GPR149: variants seen among roughly 807,000 people sequenced by gnomAD.
GPR149 encodes G protein-coupled receptor 149, also known as probable G protein-coupled receptor 149.
Under a neutral mutation model 50.2 loss-of-function variants are expected in GPR149, and 50 were observed. That is an observed-to-expected ratio of 1.00 (90% CI 0.79 to 1.26). The LOEUF is 1.26. Among genes scored for constraint, GPR149 ranks in the 50% most tolerant of loss-of-function variants. GPR149 has a pLI of 0.00. For missense variants in GPR149, 983 were observed against 895.4 expected (o/e 1.10, Z -1.25); for synonymous variants, 405 against 358.2 (o/e 1.13, Z -1.48).
intron 3 of GPR149, among the ~76,000 whole-genome samples, chr3:154,392,407 C>T (rs1292757528): frequency 2.0e-5 from 3 of 151,590 alleles, no homozygotes; most frequent in African/African-American, 4.8e-5. Flanking sequence ...AAAACCCCAA[C>T]ATACCTGAAC....
At chr3:154,390,435 TTAAC>T (rs1055919690) in intron 3 of GPR149, among the ~76,000 whole-genome samples, 16 of 150,570 alleles carry the variant, frequency 1.1e-4, no homozygotes, top group Non-Finnish European at 1.6e-4. Context: ...AAATGAAAAA[TTAAC>T]TAGAGAAGTT....
chr3:154,394,495 G>A (rs1243502672), intron 3 of GPR149, among the ~76,000 whole-genome samples: 11 of 152,108 alleles, frequency 7.2e-5, no homozygotes, highest in Middle Eastern at 6.8e-3. Flanking sequence ...TGATTTCATG[G>A]ATGTAATGCC....
intron 2 of GPR149, among the ~76,000 whole-genome samples, chr3:154,424,426 CAT>C (rs1245106562): frequency 6.6e-6 from 1 of 151,750 alleles, no homozygotes; most frequent in East Asian, 1.9e-4. Flanking sequence ...AGCTGAATAA[CAT>C]ATGATTTCAA....
chr3:154,353,907 G>A (rs1714151448), intron 3 of GPR149: 13 of 540,130 alleles, frequency 2.4e-5, no homozygotes, highest in Middle Eastern at 4.6e-4. Flanking sequence ...TCAGAAATAC[G>A]GAAATAGGAG....
At chr3:154,381,451 T>G (rs1209612028) in intron 3 of GPR149, among the ~76,000 whole-genome samples, 1 of 152,220 alleles carries the variant, frequency 6.6e-6, no homozygotes, top group Admixed American at 6.5e-5. Context: ...CTTTTTAAAC[T>G]AGCATTTTTC....
chr3:154,365,389 C>T (rs1289469222), intron 3 of GPR149, among the ~76,000 whole-genome samples: 1 of 152,118 alleles, frequency 6.6e-6, no homozygotes, highest in African/African-American at 2.4e-5. Context: ...AGTTATTCTT[C>T]CATTGTTTTG....
At chr3:154,420,399 T>A (rs559886056) in intron 3 of GPR149, among the ~76,000 whole-genome samples, 5 of 152,138 alleles carry the variant, frequency 3.3e-5, no homozygotes, top group African/African-American at 1.2e-4. Context: ...TAGGAAAGGA[T>A]GAGAAATTCA....
In GPR149 at chr3:154,428,734, C is replaced by T. The variant is rs1197218342; in HGVS notation, c.882G>A (p.Gly294=). ...TGAAGCTCCTGGTGCCATAGAGAGT[C>T]CCCCGGTTCTCACGCCTGCAGGCTT... ...GAEACRRENR[G]TLYGTRSFTV... is the part of the protein sequence containing the mutation. The change falls in exon 1 of 4, where the codon GGG becomes GGA. Residue 294 remains glycine, a synonymous_variant. Transcript: ENST00000389740. 3.7e-6 allele frequency: 6 copies of T among 1,613,968 alleles called. No homozygotes were observed. Among genetic ancestry groups the T allele is most frequent in the African/African-American group, 2.7e-5 (2 of 74,916 alleles).
intron 3 of GPR149, among the ~76,000 whole-genome samples, chr3:154,341,435 T>G (rs928166212): frequency 6.7e-6 from 1 of 148,608 alleles, no homozygotes; most frequent in Non-Finnish European, 1.5e-5. Context: ...ATTAGAGAGT[T>G]TAGTAAGGTG....
At chr3:154,406,796 A>G (rs973175813) in intron 3 of GPR149, among the ~76,000 whole-genome samples, 1 of 152,230 alleles carries the variant, frequency 6.6e-6, no homozygotes, top group Admixed American at 6.5e-5. Context: ...GAGAAAAATA[A>G]AATCAGGGAA....
At chr3:154,356,505 G>A (rs1714228791) in intron 3 of GPR149, among the ~76,000 whole-genome samples, 1 of 152,122 alleles carries the variant, frequency 6.6e-6, no homozygotes, top group Non-Finnish European at 1.5e-5. Context: ...AAATCAATGT[G>A]CAAAAATCAC....
At chr3:154,359,654 C>G (rs1313435729) in intron 3 of GPR149, among the ~76,000 whole-genome samples, 1 of 152,174 alleles carries the variant, frequency 6.6e-6, no homozygotes, top group Admixed American at 6.5e-5. Flanking sequence ...CTTGGTTTCT[C>G]AAGCTGACTG....
At chr3:154,373,655 A>G (rs1451362946) in intron 3 of GPR149, among the ~76,000 whole-genome samples, 2 of 152,194 alleles carry the variant, frequency 1.3e-5, no homozygotes, top group East Asian at 1.9e-4. Context: ...AGAACAAGAG[A>G]TACAACTCAC....
chr3:154,429,123 A>G lies in GPR149; in HGVS notation c.493T>C (p.Ser165Pro). 1 of 1,613,636 alleles carries G rather than the reference A, an allele frequency of 6.2e-7. No individual in the cohort carries two copies. Among genetic ancestry groups the G allele is most frequent in the Non-Finnish European group, 8.5e-7 (1 of 1,179,926 alleles). The stretch of plus-strand genomic sequence containing the variant: ...CCCCAGCCGCACAGCGGGAGCGCCG[A>G]GAGCAGCAGACTGGCTGCCCACACG... ...LTVWAASLLL[S>P]ALPLCGWGAF... The change falls in exon 1 of 4, where the codon TCG (serine) becomes CCG (proline). Residue 165 changes from serine (S) to proline (P), a missense_variant. By Grantham distance (74) the Ser-to-Pro change is moderately conservative (BLOSUM62 -1). Coordinates refer to ENST00000389740, the MANE Select transcript of GPR149 (RefSeq NM_001038705.3).
chr3:154,427,491 A>C, intron 2 of GPR149, 25 bp downstream of exon 2: 1 of 1,565,074 alleles, frequency 6.4e-7, no homozygotes, highest in East Asian at 2.2e-5. Context: ...TATTGCTGCC[A>C]ATCACTGCAG....
At chr3:154,401,420 A>T (rs1390994375) in intron 3 of GPR149, among the ~76,000 whole-genome samples, 2 of 152,236 alleles carry the variant, frequency 1.3e-5, no homozygotes, top group African/African-American at 4.8e-5. Flanking sequence ...ATCAGATGGC[A>T]TATTTTTGCC....
intron 3 of GPR149, among the ~76,000 whole-genome samples, chr3:154,381,863 A>C (rs1277317443): frequency 6.6e-6 from 1 of 152,188 alleles, no homozygotes; most frequent in Non-Finnish European, 1.5e-5. Flanking sequence ...CCTAGCATAA[A>C]TTGTTTAGGA....
intron 3 of GPR149, among the ~76,000 whole-genome samples, chr3:154,418,156 C>A (rs1712039620): frequency 7.3e-6 from 1 of 137,816 alleles, no homozygotes. Flanking sequence ...ATTAAAAAGT[C>A]AGGAAACAAC....
intron 3 of GPR149, among the ~76,000 whole-genome samples, chr3:154,394,404 G>A (rs367637441): frequency 6.6e-6 from 1 of 151,938 alleles, no homozygotes; most frequent in Admixed American, 6.6e-5. Flanking sequence ...AATGGTTTAA[G>A]TGCTTAAACA....
Sources: gnomAD v4.1 joint callset for allele counts (sites outside exome capture counted in the v4.1 genomes callset) on GRCh38, gnomAD v4.1.1 for gene constraint, MANE v1.5 for transcripts, NCBI Gene and HGNC (gene_info 2026-07-23, HGNC 2026-07-21) for gene names.